The following HS3ST5 variants were observed in gnomAD, a reference collection of about 807,000 sequenced individuals.
The protein encoded by HS3ST5 is heparan sulfate glucosamine 3-O-sulfotransferase 5.
Under a neutral mutation model 25.4 loss-of-function variants are expected in HS3ST5, and 10 were observed. The ratio of observed to expected loss-of-function variants is 0.39; its 90% CI spans 0.24 to 0.67. The LOEUF (loss-of-function observed/expected upper bound fraction) is 0.67, where lower values mean the gene tolerates loss of function less well. HS3ST5 is among the 30% of genes least tolerant of loss of function. HS3ST5 has a pLI of 0.44. For missense variants in HS3ST5, 324 were observed against 420.7 expected (o/e 0.77, Z 2.01); for synonymous variants, 170 against 162.4 (o/e 1.05, Z -0.36).
chr6:114,231,131 T>C (rs1771570543), intron 1 of HS3ST5, among the ~76,000 whole-genome samples: 1 of 152,082 alleles, frequency 6.6e-6, no homozygotes, highest in South Asian at 2.1e-4. Flanking sequence ...TTGTGATAGT[T>C]CTCATGAGGT....
chr6:114,188,258 T>A (rs1780327833), intron 2 of HS3ST5, among the ~76,000 whole-genome samples: 1 of 148,986 alleles, frequency 6.7e-6, no homozygotes, highest in Non-Finnish European at 1.5e-5. Flanking sequence ...TCAGGGAAAA[T>A]TTTTTTGGCC....
At chr6:114,290,602 G>C (rs780641485) in intron 1 of HS3ST5, among the ~76,000 whole-genome samples, 1 of 152,096 alleles carries the variant, frequency 6.6e-6, no homozygotes, top group African/African-American at 2.4e-5. Context: ...CTTGTCCTAG[G>C]AGAATTCACA....
chr6:114,149,811 C>T (rs1412740602), intron 3 of HS3ST5, among the ~76,000 whole-genome samples: 2 of 152,068 alleles, frequency 1.3e-5, no homozygotes, highest in Non-Finnish European at 2.9e-5. Context: ...TTTGATATTA[C>T]ATGGAAAAAA....
chr6:114,075,603 T>C (rs1023054055), intron 3 of HS3ST5, among the ~76,000 whole-genome samples: 3 of 152,230 alleles, frequency 2.0e-5, no homozygotes, highest in Non-Finnish European at 2.9e-5. Context: ...TAGAATTCTC[T>C]GCATTTTTAT....
At chr6:114,281,521 A>G (rs1774108481) in intron 1 of HS3ST5, among the ~76,000 whole-genome samples, 1 of 152,002 alleles carries the variant, frequency 6.6e-6, no homozygotes, top group Non-Finnish European at 1.5e-5. Context: ...CCTATTTTCC[A>G]ATCACCTGTG....
chr6:114,107,743 C>T (rs752864262), intron 3 of HS3ST5, among the ~76,000 whole-genome samples: 5 of 152,114 alleles, frequency 3.3e-5, no homozygotes, highest in Admixed American at 1.3e-4. Flanking sequence ...AATGTCATTG[C>T]AGTAACATAA....
intron 1 of HS3ST5, among the ~76,000 whole-genome samples, chr6:114,331,426 TA>T (rs1031826784): frequency 6.6e-6 from 1 of 152,212 alleles, no homozygotes; most frequent in African/African-American, 2.4e-5. Flanking sequence ...GAATATTAAT[TA>T]AAATATTTTT....
intron 3 of HS3ST5, among the ~76,000 whole-genome samples, chr6:114,069,148 C>T (rs1446550117): frequency 6.6e-6 from 1 of 152,134 alleles, no homozygotes; most frequent in Non-Finnish European, 1.5e-5. Flanking sequence ...GGAACAATAG[C>T]AGCAAAATTC....
chr6:114,069,684 A>AT (rs958345404), intron 3 of HS3ST5, among the ~76,000 whole-genome samples: 34 of 149,384 alleles, frequency 2.3e-4, no homozygotes, highest in East Asian at 2.2e-3. Context: ...TGCCCAGTTA[A>AT]TTTTTTTTTT....
intron 1 of HS3ST5, chr6:114,251,826 C>T (rs1319198216): frequency 1.3e-5 from 2 of 152,230 alleles, no homozygotes; most frequent in Admixed American, 6.5e-5. Flanking sequence ...GAACCGAAGG[C>T]AGTCATCCCA....
intron 1 of HS3ST5, among the ~76,000 whole-genome samples, chr6:114,335,032 G>A (rs1385235625): frequency 6.6e-6 from 1 of 152,036 alleles, no homozygotes; most frequent in Non-Finnish European, 1.5e-5. Flanking sequence ...GGGTTTTAAG[G>A]CCCAGAAATC....
At chr6:114,109,173 A>G (rs984823553) in intron 3 of HS3ST5, among the ~76,000 whole-genome samples, 1 of 152,146 alleles carries the variant, frequency 6.6e-6, no homozygotes, top group Admixed American at 6.5e-5. Context: ...AAGAAAAAAA[A>G]AAATGTATCT....
At chr6:114,129,839 G>A (rs1777241416) in intron 3 of HS3ST5, among the ~76,000 whole-genome samples, 1 of 152,182 alleles carries the variant, frequency 6.6e-6, no homozygotes, top group Admixed American at 6.6e-5. Context: ...CAAACATATA[G>A]GATAATTCTT....
intron 1 of HS3ST5, among the ~76,000 whole-genome samples, chr6:114,254,937 C>T (rs1772836126): frequency 6.6e-6 from 1 of 152,150 alleles, no homozygotes; most frequent in Non-Finnish European, 1.5e-5. Context: ...TCTGGCCCCT[C>T]CCCAAATCTT....
chr6:114,259,491 A>G (rs1773074367), intron 1 of HS3ST5, among the ~76,000 whole-genome samples: 1 of 152,206 alleles, frequency 6.6e-6, no homozygotes, highest in African/African-American at 2.4e-5. Context: ...TGTTTTACAC[A>G]TGGTAGGAAT....
At chr6:114,340,509 G>T (rs2114945787) in intron 1 of HS3ST5, 1 of 152,174 alleles carries the variant, frequency 6.6e-6, no homozygotes, top group East Asian at 1.9e-4. Context: ...ATATCTTCTT[G>T]TGTCTCCATC....
intron 3 of HS3ST5, among the ~76,000 whole-genome samples, chr6:114,127,813 G>C (rs1777117560): frequency 1.3e-5 from 2 of 151,432 alleles, no homozygotes; most frequent in African/African-American, 4.9e-5. Flanking sequence ...ATTATGCTAA[G>C]TGAAATCATT....
intron 1 of HS3ST5, among the ~76,000 whole-genome samples, chr6:114,279,657 A>G (rs745558464): frequency 6.6e-6 from 1 of 151,986 alleles, no homozygotes. Flanking sequence ...TGGTCAGGAC[A>G]TGGCCCCGGT....
intron 3 of HS3ST5, among the ~76,000 whole-genome samples, chr6:114,069,738 T>C (rs966487621): frequency 1.1e-4 from 16 of 152,150 alleles, no homozygotes; most frequent in Non-Finnish European, 2.1e-4. Flanking sequence ...CCCAGGCTGG[T>C]CTCAAACTCC....
Sources: gnomAD v4.1 joint callset for allele counts (sites outside exome capture counted in the v4.1 genomes callset) on GRCh38, gnomAD v4.1.1 for gene constraint, MANE v1.5 for transcripts, NCBI Gene and HGNC (gene_info 2026-07-23, HGNC 2026-07-21) for gene names.